ELMO1: variants seen among roughly 807,000 people sequenced by gnomAD.
The protein encoded by ELMO1 is engulfment and cell motility 1.
ELMO1 carries 26 observed loss-of-function variants against 98.9 expected under a neutral mutation model. The ratio of observed to expected loss-of-function variants is 0.26; its 90% confidence interval spans 0.19 to 0.36. The LOEUF (loss-of-function observed/expected upper bound fraction) is 0.36. Among genes scored for constraint, ELMO1 ranks in the 10% least tolerant of loss-of-function variants. The probability of loss-of-function intolerance (pLI) is 1.00; values close to 1 mark genes in which losing one functional copy is unlikely to be tolerated. For synonymous variants in ELMO1, 346 were observed against 346.0 expected (o/e 1.00, Z 0.00); for missense variants, 627 against 935.2 (o/e 0.67, Z 4.30).
At chr7:37,150,710 G>T (rs6462732) in intron 13 of ELMO1, among the ~76,000 whole-genome samples, 110,527 of 151,974 alleles carry the variant, frequency 0.73, 43,307 homozygotes, top group Non-Finnish European at 0.87. Context: ...TGTATTTTTT[G>T]AATGCATTAA....
intron 18 of ELMO1, among the ~76,000 whole-genome samples, chr7:36,881,322 T>C (rs1804435772): frequency 6.6e-6 from 1 of 152,224 alleles, no homozygotes; most frequent in Non-Finnish European, 1.5e-5. Flanking sequence ...GTCGACATGT[T>C]GGGTGAGACA....
rs1207179770 is a variant in ELMO1, at chr7:37,409,518, T to C, written c.-74+39157A>G. 2.0e-5 allele frequency among the ~76,000 whole-genome samples: 3 copies of C among 152,306 alleles called. No homozygotes were observed. In the East Asian group the frequency reaches 5.8e-4, roughly 29 times the overall value. On this transcript the variant is annotated intron_variant, in intron 1 of 21. Coordinates refer to ENST00000310758, the MANE Select transcript of ELMO1 (RefSeq NM_014800.11). ...GCACAGTCAGCCAGGGCAACTCAAC[T>C]GGGGCTTGCTGGGGGATCCACTTGT...
At chr7:37,249,062 G>A (rs571046864) in intron 6 of ELMO1, among the ~76,000 whole-genome samples, 10 of 152,208 alleles carry the variant, frequency 6.6e-5, no homozygotes, top group African/African-American at 1.7e-4. Context: ...CGTACATTTC[G>A]CTGAATCAAT....
intron 14 of ELMO1, among the ~76,000 whole-genome samples, chr7:37,112,443 T>C (rs1785306194): frequency 6.6e-6 from 1 of 152,078 alleles, no homozygotes; most frequent in African/African-American, 2.4e-5. Flanking sequence ...CCCTGTGGCA[T>C]AGGAGCATCA....
At chr7:37,119,047 G>C (rs1785804174) in intron 14 of ELMO1, among the ~76,000 whole-genome samples, 1 of 152,212 alleles carries the variant, frequency 6.6e-6, no homozygotes, top group Non-Finnish European at 1.5e-5. Flanking sequence ...CCATGTGTCA[G>C]TTTCCTCGTC....
At chr7:37,139,597 C>T (rs565449119) in intron 13 of ELMO1, among the ~76,000 whole-genome samples, 1 of 152,164 alleles carries the variant, frequency 6.6e-6, no homozygotes, top group African/African-American at 2.4e-5. Flanking sequence ...ACATCCCATG[C>T]TCATGGATGG....
At chr7:36,888,131 G>A (rs937711157) in intron 17 of ELMO1, among the ~76,000 whole-genome samples, 1 of 152,192 alleles carries the variant, frequency 6.6e-6, no homozygotes, top group Non-Finnish European at 1.5e-5. Flanking sequence ...CAAACACTGT[G>A]TAGTGAGCAA....
intron 1 of ELMO1, among the ~76,000 whole-genome samples, chr7:37,362,349 G>T (rs1470733258): frequency 1.3e-5 from 2 of 152,092 alleles, no homozygotes; most frequent in Non-Finnish European, 2.9e-5. Flanking sequence ...CTGCTCAGAT[G>T]GTACAGTTAT....
intron 16 of ELMO1, among the ~76,000 whole-genome samples, chr7:36,990,147 T>G (rs1453789785): frequency 6.6e-6 from 1 of 152,204 alleles, no homozygotes; most frequent in Admixed American, 6.5e-5. Flanking sequence ...CATGGGATCT[T>G]GTCCAGCGGT....
intron 1 of ELMO1, among the ~76,000 whole-genome samples, chr7:37,401,007 G>A (rs1021826960): frequency 2.0e-5 from 3 of 152,066 alleles, no homozygotes; most frequent in Non-Finnish European, 4.4e-5. Context: ...AGAGACATCC[G>A]CCTGACTGAA....
intron 1 of ELMO1, among the ~76,000 whole-genome samples, chr7:37,398,767 G>A (rs1803402935): frequency 6.6e-6 from 1 of 152,172 alleles, no homozygotes; most frequent in Non-Finnish European, 1.5e-5. Context: ...GCAGCACTTT[G>A]ACCCTTCTGC....
chr7:37,241,889 T>G (rs1247843583), intron 7 of ELMO1, among the ~76,000 whole-genome samples: 1 of 152,156 alleles, frequency 6.6e-6, no homozygotes, highest in Non-Finnish European at 1.5e-5. Flanking sequence ...TTTAAAGAAA[T>G]TTAAAGGAAA....
intron 7 of ELMO1, among the ~76,000 whole-genome samples, 175 bp downstream of exon 7, chr7:37,244,181 C>T (rs1274362460): frequency 6.6e-6 from 1 of 152,004 alleles, no homozygotes; most frequent in Admixed American, 6.6e-5. Flanking sequence ...GGGGAAAATA[C>T]ATTTTTGAAG....
At chr7:37,382,281 C>T (rs1802610847) in intron 1 of ELMO1, among the ~76,000 whole-genome samples, 1 of 152,172 alleles carries the variant, frequency 6.6e-6, no homozygotes, top group Non-Finnish European at 1.5e-5. Flanking sequence ...TTCAGACATA[C>T]ATAAATATTC....
At chr7:37,087,850 T>C (rs1783870163) in intron 15 of ELMO1, among the ~76,000 whole-genome samples, 1 of 152,180 alleles carries the variant, frequency 6.6e-6, no homozygotes, top group African/African-American at 2.4e-5. Flanking sequence ...AGGGTATGTA[T>C]TAATAAACAG....
intron 2 of ELMO1, among the ~76,000 whole-genome samples, chr7:37,323,093 A>G (rs1799607661): frequency 6.6e-6 from 1 of 152,082 alleles, no homozygotes; most frequent in African/African-American, 2.4e-5. Flanking sequence ...CTTCCCAACA[A>G]TGAGGTCATC....
At chr7:37,422,834 CT>C (rs1804535627) in intron 1 of ELMO1, among the ~76,000 whole-genome samples, 1 of 152,224 alleles carries the variant, frequency 6.6e-6, no homozygotes, top group African/African-American at 2.4e-5. Flanking sequence ...TTCAGACTCT[CT>C]GGGCTTGGGG....
At chr7:37,362,742 C>T (rs1801744860) in intron 1 of ELMO1, among the ~76,000 whole-genome samples, 1 of 152,154 alleles carries the variant, frequency 6.6e-6, no homozygotes, top group African/African-American at 2.4e-5. Flanking sequence ...CTTCAGATTC[C>T]TCACATTAGA....
intron 11 of ELMO1, among the ~76,000 whole-genome samples, chr7:37,215,952 GCAAA>G (rs750916965): frequency 1.7e-4 from 26 of 151,794 alleles, no homozygotes; most frequent in Non-Finnish European, 1.5e-4. Flanking sequence ...TTGGAATCAC[GCAAA>G]CAGAGATTTT....
Sources: allele counts gnomAD v4.1 joint callset (sites outside exome capture counted in the v4.1 genomes callset), GRCh38; gene constraint gnomAD v4.1.1; transcripts MANE v1.5; gene names NCBI Gene and HGNC (gene_info 2026-07-23, HGNC 2026-07-21).